SCFD2: variants seen among roughly 807,000 people sequenced by gnomAD.
The protein encoded by SCFD2 is sec1 family domain containing 2.
SCFD2 carries 54 observed loss-of-function variants against 58.9 expected under a neutral mutation model. The observed-to-expected ratio is 0.92, with a 90% CI of 0.74 to 1.15. The LOEUF (loss-of-function observed/expected upper bound fraction) is 1.15, where lower values mean the gene tolerates loss of function less well. SCFD2 is among the 50% of genes most tolerant of loss of function. The pLI, the probability that SCFD2 is intolerant of heterozygous loss-of-function variation, is 0.00. For synonymous variants in SCFD2, 321 were observed against 335.9 expected (o/e 0.96, Z 0.49); for missense variants, 805 against 836.6 (o/e 0.96, Z 0.47).
At chr4:52,970,051 C>A (rs910053379) in intron 5 of SCFD2, among the ~76,000 whole-genome samples, 1 of 152,150 alleles carries the variant, frequency 6.6e-6, no homozygotes, top group Non-Finnish European at 1.5e-5. Flanking sequence ...GCCAAGATGG[C>A]TGAATAGGAA....
chr4:53,130,066 A>G (rs985006477), intron 5 of SCFD2, among the ~76,000 whole-genome samples: 1 of 152,232 alleles, frequency 6.6e-6, no homozygotes, highest in Non-Finnish European at 1.5e-5. Flanking sequence ...ATATCCATGT[A>G]ACAAAATTAG....
chr4:53,251,079 C>A (rs1730355340), intron 4 of SCFD2, among the ~76,000 whole-genome samples: 1 of 152,134 alleles, frequency 6.6e-6, no homozygotes, highest in Non-Finnish European at 1.5e-5. Context: ...GAAATACAAA[C>A]TACCATCAGA....
chr4:53,344,122 T>C (rs1358317475), intron 2 of SCFD2, among the ~76,000 whole-genome samples: 2 of 151,652 alleles, frequency 1.3e-5, no homozygotes, highest in Non-Finnish European at 2.9e-5. Flanking sequence ...GTGAAAGAAA[T>C]AAAGGATATT....
chr4:52,986,991 A>G (rs1419164538), intron 5 of SCFD2, among the ~76,000 whole-genome samples: 1 of 152,144 alleles, frequency 6.6e-6, no homozygotes, highest in Non-Finnish European at 1.5e-5. Context: ...ATAATGTTCT[A>G]TAATTTTTAG....
chr4:53,280,424 G>A (rs899927769), intron 3 of SCFD2, among the ~76,000 whole-genome samples: 5 of 151,966 alleles, frequency 3.3e-5, no homozygotes, highest in African/African-American at 9.7e-5. Flanking sequence ...GCTGAGACAC[G>A]AGAATTACCT....
rs182586277 is a variant in SCFD2, at chr4:53,176,832, C to T, written c.1312-31250G>A. On this transcript the variant is annotated intron_variant, in intron 4 of 8. Transcript: ENST00000401642. ...GGTGTGGTGGTGGTTGCCTGTAATCCCAGCTATTCGGTATGCTGAGGCAGG... is the reference window on the plus strand; with the variant it reads ...GGTGTGGTGGTGGTTGCCTGTAATCTCAGCTATTCGGTATGCTGAGGCAGG... Among the ~76,000 whole-genome samples, 748 of 151,884 alleles carry T rather than the reference C, an allele frequency of 4.9e-3. 20 individuals carry two copies. The highest frequency in any genetic ancestry group is 0.037 in the Admixed American group (565 of 15,260).
chr4:53,172,753 C>T (rs1238716904), intron 4 of SCFD2, among the ~76,000 whole-genome samples: 2 of 152,096 alleles, frequency 1.3e-5, no homozygotes, highest in African/African-American at 2.4e-5. Flanking sequence ...TGTTTTGTGG[C>T]CCAATATATG....
chr4:53,113,114 C>T (rs1009758387), intron 5 of SCFD2, among the ~76,000 whole-genome samples: 4 of 152,084 alleles, frequency 2.6e-5, no homozygotes, highest in African/African-American at 9.7e-5. Context: ...AACCCAATCC[C>T]TTTGCCTTTT....
chr4:53,110,041 G>GGAACAGAACA (rs56074725), intron 5 of SCFD2, among the ~76,000 whole-genome samples: 8,957 of 151,226 alleles, frequency 0.059, 833 homozygotes, highest in African/African-American at 0.2. Context: ...ACAGACCAAT[G>GGAACAGAACA]GAACAGAACA....
chr4:53,080,233 ACT>A (rs1267988355), intron 5 of SCFD2, among the ~76,000 whole-genome samples: 1 of 152,062 alleles, frequency 6.6e-6, no homozygotes, highest in Non-Finnish European at 1.5e-5. Flanking sequence ...TACCAGGATC[ACT>A]CTGTGTTTAG....
chr4:52,875,977 C>G (rs568804601), intron 8 of SCFD2, among the ~76,000 whole-genome samples: 1 of 151,464 alleles, frequency 6.6e-6, no homozygotes. Flanking sequence ...TTGGCCTTCT[C>G]TATCATCTGC....
intron 5 of SCFD2, among the ~76,000 whole-genome samples, chr4:53,142,476 G>C (rs528383891): frequency 6.6e-6 from 1 of 152,052 alleles, no homozygotes; most frequent in Non-Finnish European, 1.5e-5. Flanking sequence ...ACTGTACATC[G>C]GAATAACATG....
At chr4:53,164,733 G>T (rs1258837255) in intron 4 of SCFD2, among the ~76,000 whole-genome samples, 1 of 148,788 alleles carries the variant, frequency 6.7e-6, no homozygotes, top group Non-Finnish European at 1.5e-5. Context: ...GGAGGTTGCA[G>T]TGAGCCGAGA....
At chr4:53,276,441 T>A (rs915367904) in intron 3 of SCFD2, among the ~76,000 whole-genome samples, 18 of 152,158 alleles carry the variant, frequency 1.2e-4, no homozygotes, top group African/African-American at 4.3e-4. Flanking sequence ...CATATACATT[T>A]ATAGTTTCAT....
chr4:53,310,237 G>A (rs1472665489), intron 3 of SCFD2, among the ~76,000 whole-genome samples: 2 of 152,152 alleles, frequency 1.3e-5, no homozygotes, highest in Admixed American at 6.5e-5. Flanking sequence ...ATCAAGCATA[G>A]AACACTCTTT....
Position 53,034,243 on chromosome 4 carries a change from T to C in SCFD2, c.1561+111090A>G, listed in dbSNP as rs142303680. Among the ~76,000 whole-genome samples the C allele has an allele frequency of 7.1e-3, 1,075 of 152,288 alleles. 37 individuals are homozygous for C. The highest frequency in any genetic ancestry group is 0.063 in the Admixed American group (969 of 15,292). On this transcript the variant is annotated intron_variant, in intron 5 of 8. Transcript: ENST00000401642. ...CACTATATGATTATCTCAATAGATA[T>C]GCAGAAAAGGCCTTCAACAAAATTC... is the stretch of plus-strand genomic sequence containing the variant.
At chr4:53,012,667 G>T (rs1364490187) in intron 5 of SCFD2, among the ~76,000 whole-genome samples, 4 of 152,028 alleles carry the variant, frequency 2.6e-5, no homozygotes, top group Admixed American at 2.0e-4. Flanking sequence ...CATTTCAGGA[G>T]AGATGAACCA....
chr4:52,985,083 G>A (rs1206508131), intron 5 of SCFD2, among the ~76,000 whole-genome samples: 1 of 152,222 alleles, frequency 6.6e-6, no homozygotes, highest in African/African-American at 2.4e-5. Context: ...ATTGGGAGCT[G>A]TACAGCTAAG....
chr4:52,889,622 T>C (rs1233760813), intron 7 of SCFD2, among the ~76,000 whole-genome samples: 1 of 152,250 alleles, frequency 6.6e-6, no homozygotes, highest in Non-Finnish European at 1.5e-5. Context: ...ACCTGGTGTT[T>C]ATTTTTTGGA....
Sources: gnomAD v4.1 joint callset for allele counts (sites outside exome capture counted in the v4.1 genomes callset) on GRCh38, gnomAD v4.1.1 for gene constraint, MANE v1.5 for transcripts, NCBI Gene and HGNC (gene_info 2026-07-23, HGNC 2026-07-21) for gene names.